Variants in ABI2 observed in about 807,000 individuals in gnomAD.
ABI2 encodes the protein abl interactor 2.
In ABI2, 25 loss-of-function variants were observed where a neutral mutation model predicts 59.2. The ratio of observed to expected loss-of-function variants is 0.42; its 90% CI spans 0.31 to 0.59. The LOEUF (loss-of-function observed/expected upper bound fraction) is 0.59. Among genes scored for constraint, ABI2 ranks in the 20% least tolerant of loss-of-function variants. The pLI is 0.14. For synonymous variants in ABI2, 213 were observed against 235.5 expected, an observed-to-expected ratio of 0.90 and a Z score of 0.87; for missense variants, 545 against 681.8, an observed-to-expected ratio of 0.80 and a Z score of 2.23.
intron 2 of ABI2, among the ~76,000 whole-genome samples, chr2:203,373,849 G>A (rs2095489650): frequency 6.6e-6 from 1 of 152,182 alleles, no homozygotes; most frequent in South Asian, 2.1e-4. Flanking sequence ...TCAACAAGTA[G>A]GGTAGCTTTT....
intron 2 of ABI2, among the ~76,000 whole-genome samples, chr2:203,376,935 T>C (rs115222046): frequency 3.0e-4 from 46 of 152,342 alleles, no homozygotes; most frequent in African/African-American, 9.4e-4. Context: ...ACAAGAAATA[T>C]GTGCTTGTTA....
At position 203,402,558 on chromosome 2, in the gene ABI2, G is replaced by T; in HGVS notation, c.1034-18G>T. The T allele has an allele frequency of 6.9e-7, 1 of 1,451,410 alleles. No homozygotes were observed. Among genetic ancestry groups the T allele is most frequent in the Non-Finnish European group, 9.1e-7 (1 of 1,098,428 alleles). 89.9% of individuals were successfully genotyped at this position (1,451,410 alleles called of 1,614,324 possible). On this transcript the variant is annotated intron_variant, in intron 8 of 11. Transcript: ENST00000261018. ...AATTTTCTTTTAATGACATATGTAT[G>T]TTCTATCTCTTTTTCAGGTCATCCT...
At chr2:203,385,870 G>GT (rs2096484770) in intron 4 of ABI2, among the ~76,000 whole-genome samples, 1 of 152,122 alleles carries the variant, frequency 6.6e-6, no homozygotes, top group South Asian at 2.1e-4. Context: ...TTCTTTACCT[G>GT]TTTCTCTTTC....
At chr2:203,370,218 C>CTCTCTCTCTT (rs1377032748) in intron 2 of ABI2, among the ~76,000 whole-genome samples, 1 of 136,242 alleles carries the variant, frequency 7.3e-6, no homozygotes, top group East Asian at 2.0e-4. Context: ...CTCTCTCTCT[C>CTCTCTCTCTT]TCTCTCTCTT....
intron 10 of ABI2, among the ~76,000 whole-genome samples, chr2:203,414,330 G>A (rs1293906135): frequency 6.6e-6 from 1 of 152,080 alleles, no homozygotes; most frequent in Non-Finnish European, 1.5e-5. Context: ...TTGAACTCCT[G>A]AGCTCAAATG....
intron 1 of ABI2, among the ~76,000 whole-genome samples, chr2:203,356,927 T>C (rs1002475489): frequency 6.6e-6 from 1 of 152,202 alleles, no homozygotes; most frequent in Non-Finnish European, 1.5e-5. Context: ...ACATTGTTCC[T>C]GTCTTTTTTG....
At chr2:203,411,460 T>C in intron 10 of ABI2, 89 bp downstream of exon 10, 2 of 995,514 alleles carry the variant, frequency 2.0e-6, no homozygotes, top group African/African-American at 3.2e-5. Flanking sequence ...ATTCATTTGC[T>C]GATACTTCAA....
Position 203,396,874 on chromosome 2 carries a change from A to C in ABI2, c.940A>C (p.Thr314Pro). 6.5e-7 allele frequency: 1 copy of C among 1,533,726 alleles called. No homozygotes were observed. Among genetic ancestry groups the C allele is most frequent in the East Asian group, 2.5e-5 (1 of 40,612 alleles). ...PLVPATVPSS[T>P]APDAAAGGAQ... ...TGTTCCTGCTACTGTCCCTTCCTCC[A>C]CTGCCCCAGACGCTGCTGCTGGGGG... Residue 314 changes from threonine to proline, a missense_variant, in exon 8 of 12, where the codon ACT becomes CCT. By Grantham distance (38) the Thr-to-Pro change is conservative. Around this residue, in one of 4 missense-constraint regions of ABI2, gnomAD observed 410 missense variants for 435.6 expected, o/e 0.94. Coordinates refer to ENST00000261018, the MANE Select transcript of ABI2 (RefSeq NM_001375670.1).
At chr2:203,385,850 T>G (rs564227904) in intron 4 of ABI2, among the ~76,000 whole-genome samples, 3 of 152,358 alleles carry the variant, frequency 2.0e-5, no homozygotes, top group African/African-American at 7.2e-5. Flanking sequence ...TTCTCTTGTT[T>G]TCTTCTGCTT....
At chr2:203,406,596 A>G (rs556157759) in intron 9 of ABI2, among the ~76,000 whole-genome samples, 2 of 152,358 alleles carry the variant, frequency 1.3e-5, no homozygotes, top group Non-Finnish European at 2.9e-5. Context: ...ATCACCATAA[A>G]TGTCTAAAAC....
chr2:203,344,997 TG>T (rs1333320109), intron 1 of ABI2, among the ~76,000 whole-genome samples: 1 of 152,150 alleles, frequency 6.6e-6, no homozygotes, highest in Non-Finnish European at 1.5e-5. Flanking sequence ...CAGTAGGACG[TG>T]GGCATCACAA....
At chr2:203,413,047 T>C (rs2097746935) in intron 10 of ABI2, among the ~76,000 whole-genome samples, 1 of 152,138 alleles carries the variant, frequency 6.6e-6, no homozygotes, top group South Asian at 2.1e-4. Context: ...CCCTGGGAGT[T>C]TTTTCTGTTT....
At position 203,329,387 on chromosome 2, in the gene ABI2, C is replaced by G. The variant is rs987211424; in HGVS notation, c.117+756C>G. Among the ~76,000 whole-genome samples, 8 of 126,970 alleles carry G rather than the reference C, an allele frequency of 6.3e-5. No homozygotes were observed. The East Asian group carries it at 1.6e-3, about 26-fold the overall frequency. The allele number at this position is 126,970 out of a possible 152,430, so 83.3% of individuals were successfully genotyped here. On this transcript the variant is annotated intron_variant, in intron 1 of 11. Transcript: ENST00000261018. The stretch of plus-strand genomic sequence containing the variant: ...TTTTACCGTGATGGATCGTTTGGCT[C>G]AAGGGCTGATAGTGGTAGGGGCGTG...
At chr2:203,358,977 A>G (rs2092898331) in intron 1 of ABI2, among the ~76,000 whole-genome samples, 1 of 152,204 alleles carries the variant, frequency 6.6e-6, no homozygotes, top group African/African-American at 2.4e-5. Context: ...GTGCCACTGC[A>G]CTTCAGCCTG....
In ABI2 at chr2:203,430,637, TC is replaced by T. The variant is rs2098475961; in HGVS notation, c.*3287del. The T allele has an allele frequency of 2.6e-5, 4 of 152,344 alleles. No homozygotes were observed. Among genetic ancestry groups the T allele is most frequent in the Admixed American group, 1.3e-4 (2 of 15,302 alleles). The allele number at this position is 152,344 out of a possible 1,614,324, so 9.4% of individuals were successfully genotyped here. On this transcript the variant is annotated 3_prime_UTR_variant, in exon 12 of 12. Coordinates refer to ENST00000261018, the MANE Select transcript of ABI2 (RefSeq NM_001375670.1). ...TAATATTTTCCATCATTTAGCTACT[TC>T]CTATCTCCCTCAGAGGCGCCTGCTG... is the stretch of plus-strand genomic sequence containing the variant.
intron 1 of ABI2, 192 bp downstream of exon 1, chr2:203,328,823 C>T: frequency 2.5e-6 from 1 of 393,712 alleles, no homozygotes; most frequent in Non-Finnish European, 4.5e-6. Context: ...TTTTAAAAAC[C>T]TTTAAAAAAG....
intron 1 of ABI2, among the ~76,000 whole-genome samples, chr2:203,363,589 A>T (rs1224483188): frequency 1.3e-5 from 2 of 151,786 alleles, no homozygotes; most frequent in East Asian, 3.9e-4. Flanking sequence ...CTGTGAGTTC[A>T]ATTGTTTTAA....
At chr2:203,348,581 A>G (rs989102905) in intron 1 of ABI2, among the ~76,000 whole-genome samples, 1 of 152,232 alleles carries the variant, frequency 6.6e-6, no homozygotes, top group Non-Finnish European at 1.5e-5. Flanking sequence ...TTTTCCCTCA[A>G]TTAAAAACAT....
At chr2:203,391,824 A>C (rs944660935) in intron 5 of ABI2, among the ~76,000 whole-genome samples, 4 of 150,806 alleles carry the variant, frequency 2.7e-5, no homozygotes, top group Non-Finnish European at 5.9e-5. Context: ...CTGTCTCAAA[A>C]AAAAAAAAAA....
Sources: allele counts gnomAD v4.1 joint callset (sites outside exome capture counted in the v4.1 genomes callset), GRCh38; gene constraint gnomAD v4.1.1; regional missense constraint gnomAD v4.1.1; transcripts MANE v1.5; gene names NCBI Gene and HGNC (gene_info 2026-07-23, HGNC 2026-07-21).